Variants in NOL4L observed in about 807,000 individuals in gnomAD.
NOL4L encodes the protein nucleolar protein 4-like.
In NOL4L, 7 loss-of-function variants were observed where a neutral mutation model predicts 64.5. That is an observed-to-expected ratio of 0.11 (90% CI 0.06 to 0.20). NOL4L has a LOEUF of 0.20. Ranked by LOEUF, NOL4L falls within the 10% of genes least tolerant of loss-of-function variation. NOL4L has a pLI of 1.00. For missense variants in NOL4L, 680 were observed against 967.1 expected (o/e 0.70, Z 3.94); for synonymous variants, 413 against 401.0 (o/e 1.03, Z -0.36).
intron 1 of NOL4L, among the ~76,000 whole-genome samples, chr20:32,542,481 G>T (rs1378760896): frequency 1.3e-5 from 2 of 152,036 alleles, no homozygotes; most frequent in Non-Finnish European, 2.9e-5. Flanking sequence ...AGCCTCCCAA[G>T]TAACTGGACC....
chr20:32,524,445 C>T (rs1227573955), intron 2 of NOL4L, among the ~76,000 whole-genome samples: 1 of 152,238 alleles, frequency 6.6e-6, no homozygotes, highest in Non-Finnish European at 1.5e-5. Flanking sequence ...TGCCAGAAAG[C>T]TCTTTTCCCT....
intron 1 of NOL4L, among the ~76,000 whole-genome samples, chr20:32,539,023 G>C (rs1158030106): frequency 1.3e-5 from 2 of 151,946 alleles, no homozygotes; most frequent in Non-Finnish European, 1.5e-5. Context: ...GGGCTCCAGT[G>C]GGGGTGGGGT....
intron 4 of NOL4L, among the ~76,000 whole-genome samples, chr20:32,487,679 G>A (rs916325711): frequency 1.3e-5 from 2 of 152,186 alleles, no homozygotes; most frequent in Non-Finnish European, 2.9e-5. Context: ...TGAGGTGTGT[G>A]GGCTTTACAC....
At position 32,490,259 on chromosome 20, in the gene NOL4L, C is replaced by A. The variant is rs189295904; in HGVS notation, c.700-15517G>T. Among the ~76,000 whole-genome samples, 1,170 of 151,802 alleles carry A rather than the reference C, an allele frequency of 7.7e-3. 10 individuals carry two copies. Among genetic ancestry groups the A allele is most frequent in the South Asian group, 0.013 (64 of 4,800 alleles). On this transcript the variant is annotated intron_variant, in intron 4 of 10. Coordinates refer to ENST00000621426, the MANE Select transcript of NOL4L (RefSeq NM_001256798.2). ...TAAACTGTCCCTGCTCACACCATAACAAAAATAATTGAAACAGTGTCACAG... is the reference window on the plus strand; with the variant it reads ...TAAACTGTCCCTGCTCACACCATAAAAAAAATAATTGAAACAGTGTCACAG...
Position 32,456,287 on chromosome 20 carries a change from C to T in NOL4L, c.950G>A (p.Gly317Asp), listed in dbSNP as rs1407706724. Residue 317 changes from glycine to aspartate, a missense_variant, in exon 6 of 11, where the codon GGC becomes GAC. Gly to Asp is a moderately conservative substitution (Grantham distance 94). Coordinates refer to ENST00000621426, the MANE Select transcript of NOL4L (RefSeq NM_001256798.2). ...DPAFPEMNGN[G>D]AVAPMDFTTA... Reference sequence around the variant, plus strand: ...GGTGAAGTCCATGGGGGCCACGGCGCCGTTGCCATTCATCTCGGGGAAGGC... The same window carrying T: ...GGTGAAGTCCATGGGGGCCACGGCGTCGTTGCCATTCATCTCGGGGAAGGC... The T allele has an allele frequency of 1.3e-6, 2 of 1,586,524 alleles. No individual in the cohort carries two copies. The highest frequency in any genetic ancestry group is 1.7e-6 in the Non-Finnish European group (2 of 1,164,328).
At chr20:32,574,074 C>T (rs552239315) in intron 1 of NOL4L, among the ~76,000 whole-genome samples, 1 of 152,166 alleles carries the variant, frequency 6.6e-6, no homozygotes, top group Non-Finnish European at 1.5e-5. Context: ...TTTATCACCC[C>T]CTTATACAGA....
intron 1 of NOL4L, chr20:32,535,681 A>G: frequency 1.0e-6 from 1 of 985,462 alleles, no homozygotes; most frequent in Non-Finnish European, 1.2e-6. Flanking sequence ...TGAGGATGTC[A>G]TCTCCTCCAA....
At chr20:32,537,707 G>A (rs2018572166) in intron 1 of NOL4L, among the ~76,000 whole-genome samples, 1 of 151,882 alleles carries the variant, frequency 6.6e-6, no homozygotes, top group South Asian at 2.1e-4. Context: ...ATCGTGAGTA[G>A]CTGCCTCTCC....
chr20:32,580,429 G>A (rs1015087329), intron 1 of NOL4L, among the ~76,000 whole-genome samples: 3 of 152,324 alleles, frequency 2.0e-5, no homozygotes, highest in African/African-American at 4.8e-5. Context: ...ACCAGCGGCC[G>A]CAGGTGCCAA....
intron 1 of NOL4L, among the ~76,000 whole-genome samples, chr20:32,561,389 A>G (rs1284278144): frequency 6.6e-6 from 1 of 152,166 alleles, no homozygotes; most frequent in Admixed American, 6.5e-5. Flanking sequence ...ATTTTCCCCA[A>G]GCTTCCCTGA....
intron 4 of NOL4L, among the ~76,000 whole-genome samples, chr20:32,479,512 G>C (rs766550837): frequency 2.0e-5 from 3 of 152,156 alleles, no homozygotes; most frequent in Non-Finnish European, 4.4e-5. Context: ...TGAATGAATT[G>C]CTTAAGGCCA....
chr20:32,536,318 G>T (rs1192460933), intron 1 of NOL4L: 1 of 985,192 alleles, frequency 1.0e-6, no homozygotes, highest in Non-Finnish European at 1.2e-6. Flanking sequence ...CCGAGGAGGC[G>T]CCCTGGGCGC....
chr20:32,456,511 C>T, intron 5 of NOL4L, 116 bp from the exon 6 acceptor site: 1 of 1,076,482 alleles, frequency 9.3e-7, no homozygotes, highest in Non-Finnish European at 1.2e-6. Context: ...GGGGTGAGTG[C>T]TGCTACCCCA....
intron 1 of NOL4L, among the ~76,000 whole-genome samples, chr20:32,583,490 C>T (rs1229775837): frequency 6.5e-5 from 9 of 138,948 alleles, no homozygotes; most frequent in African/African-American, 2.1e-4. Context: ...GGAGGGAGGC[C>T]GGCGCGGGGC....
intron 4 of NOL4L, chr20:32,486,686 G>A (rs1244707613): frequency 2.1e-6 from 1 of 466,806 alleles, no homozygotes; most frequent in Non-Finnish European, 4.4e-6. Flanking sequence ...TGACAGAGAA[G>A]AAAATGTACC....
At chr20:32,532,524 G>A in intron 1 of NOL4L, 3 of 228,304 alleles carry the variant, frequency 1.3e-5, no homozygotes, top group Non-Finnish European at 2.2e-5. Flanking sequence ...TGCTGCAGGG[G>A]AGGCAGGCCT....
At chr20:32,490,859 G>A (rs1273465547) in intron 4 of NOL4L, among the ~76,000 whole-genome samples, 1 of 152,178 alleles carries the variant, frequency 6.6e-6, no homozygotes, top group East Asian at 1.9e-4. Context: ...CGGCGGAATC[G>A]AGTTATAGCT....
rs563261208 is a variant in NOL4L at position 32,443,374 on chromosome 20, G to C, written c.*4222C>G. Reference sequence around the variant, plus strand: ...AGAACACAAATAATTTTTATAGAGAGCATTGAGGAGGAAGTCCTCACCTGC... The same window carrying C: ...AGAACACAAATAATTTTTATAGAGACCATTGAGGAGGAAGTCCTCACCTGC... On this transcript the variant is annotated 3_prime_UTR_variant, in exon 11 of 11. Transcript: ENST00000621426. 1 of 152,326 alleles carries C rather than the reference G, an allele frequency of 6.6e-6. No individual in the cohort carries two copies. Among genetic ancestry groups the C allele is most frequent in the East Asian group, 1.9e-4 (1 of 5,186 alleles). 9.4% of individuals were successfully genotyped at this position (152,326 alleles called of 1,614,324 possible). A position where few individuals can be genotyped will look rare whatever the true frequency, so the allele number is the denominator to read the frequency against.
chr20:32,487,034 C>T (rs1331311803), intron 4 of NOL4L, among the ~76,000 whole-genome samples: 13 of 152,014 alleles, frequency 8.6e-5, no homozygotes, highest in Admixed American at 8.5e-4. Context: ...TTTGGGAGGC[C>T]GAGGCGGGTG....
Sources: allele counts gnomAD v4.1 joint callset (sites outside exome capture counted in the v4.1 genomes callset), GRCh38; gene constraint gnomAD v4.1.1; transcripts MANE v1.5; gene names NCBI Gene and HGNC (gene_info 2026-07-23, HGNC 2026-07-21).